The following FGD6 variants were observed in gnomAD, a reference collection of about 807,000 sequenced individuals.
FGD6 encodes FYVE, RhoGEF and PH domain containing 6.
In FGD6, 90 loss-of-function variants were observed where a neutral mutation model predicts 149.4. The ratio of observed to expected loss-of-function variants is 0.60; its 90% CI spans 0.51 to 0.72. The LOEUF (loss-of-function observed/expected upper bound fraction) is 0.72. FGD6 is among the 30% of genes least tolerant of loss of function. The pLI is 0.00. For missense variants in FGD6, 1,437 were observed against 1,684.8 expected, an observed-to-expected ratio of 0.85 and a Z score of 2.57; for synonymous variants, 527 against 584.0, an observed-to-expected ratio of 0.90 and a Z score of 1.41.
At chr12:95,121,144 T>C (rs1879172070) in intron 8 of FGD6, among the ~76,000 whole-genome samples, 1 of 152,052 alleles carries the variant, frequency 6.6e-6, no homozygotes, top group Admixed American at 6.6e-5. Context: ...AAAGTGTCAA[T>C]ATTTTCATTT....
At chr12:95,133,407 A>T (rs965629253) in intron 8 of FGD6, among the ~76,000 whole-genome samples, 7 of 152,168 alleles carry the variant, frequency 4.6e-5, no homozygotes, top group African/African-American at 1.7e-4. Flanking sequence ...TGGGGCTAAA[A>T]GGTAGGTCTT....
intron 14 of FGD6, among the ~76,000 whole-genome samples, chr12:95,104,196 G>A (rs1292615696): frequency 2.6e-5 from 4 of 152,068 alleles, no homozygotes; most frequent in East Asian, 1.9e-4. Context: ...AAAACTGCAC[G>A]GTATTGGGAA....
At chr12:95,216,669 C>CAAAAAA (rs143881424) in intron 1 of FGD6, among the ~76,000 whole-genome samples, 37 of 88,680 alleles carry the variant, frequency 4.2e-4, no homozygotes, top group Admixed American at 5.2e-4. Context: ...TGCAGACAAG[C>CAAAAAA]AAAAAAAAAA....
chr12:95,137,711 T>C (rs758650116), intron 6 of FGD6, 33 bp from the exon 7 acceptor site: 1 of 1,477,662 alleles, frequency 6.8e-7, no homozygotes, highest in Non-Finnish European at 9.1e-7. Flanking sequence ...CAAAAAAATA[T>C]AAAGAGAGAT....
Position 95,153,946 on chromosome 12 carries a change from TGAGTGAGAGA to T in FGD6, c.2587-963_2587-954del, listed in dbSNP as rs1305338104. 1.0e-4 allele frequency among the ~76,000 whole-genome samples: 14 copies of T among 137,610 alleles called. No homozygotes were observed. In the East Asian group the frequency reaches 1.5e-3, roughly 14 times the overall value. The allele number at this position is 137,610 out of a possible 152,430, so 90.3% of individuals were successfully genotyped here. On this transcript the variant is annotated intron_variant, in intron 3 of 20. Coordinates refer to ENST00000343958, the MANE Select transcript of FGD6 (RefSeq NM_018351.4). The stretch of plus-strand genomic sequence containing the variant: ...GTGTGTGTGTGTGTGTGTGTGTGTG[TGAGTGAGAGA>T]GAGAAGAGACAGAGAGAGAGAGAGA...
At chr12:95,128,732 G>GTTGT (rs1879422944) in intron 8 of FGD6, among the ~76,000 whole-genome samples, 1 of 152,218 alleles carries the variant, frequency 6.6e-6, no homozygotes, top group Non-Finnish European at 1.5e-5. Context: ...CCCCATCAGG[G>GTTGT]CAGGGGCCAC....
chr12:95,081,923 C>T (rs528491890), intron 20 of FGD6, among the ~76,000 whole-genome samples: 60 of 152,096 alleles, frequency 3.9e-4, no homozygotes, highest in African/African-American at 1.3e-3. Flanking sequence ...CGGCCTGCCT[C>T]GGCCTCCCAA....
intron 8 of FGD6, among the ~76,000 whole-genome samples, chr12:95,116,409 A>G (rs1392877115): frequency 6.6e-6 from 1 of 152,210 alleles, no homozygotes; most frequent in East Asian, 1.9e-4. Flanking sequence ...GCGACTTCCT[A>G]GTTTGTCTTA....
Position 95,209,520 on chromosome 12 carries a change from T to C in FGD6, c.1764A>G (p.Val588=). ...CTGTTGAAGGCTCACTGTTTGACGA[T>C]ACGGTGACAGACTTTAAGAATTCTG... ...GNPEFLKSVT[V]SSNSEPSTAL... Residue 588 remains valine, a synonymous_variant, in exon 2 of 21, where the codon GTA becomes GTG. Transcript: ENST00000343958. 1 of 1,613,974 alleles carries C rather than the reference T, an allele frequency of 6.2e-7. No individual in the cohort carries two copies. Among genetic ancestry groups the C allele is most frequent in the Non-Finnish European group, 8.5e-7 (1 of 1,179,976 alleles).
At chr12:95,091,365 A>G (rs11614529) in intron 17 of FGD6, among the ~76,000 whole-genome samples, 9 of 152,258 alleles carry the variant, frequency 5.9e-5, no homozygotes, top group Non-Finnish European at 1.3e-4. Flanking sequence ...ATTACTTTAC[A>G]TATAGATAAA....
Position 95,217,256 on chromosome 12 carries a change from C to G in FGD6, c.-16G>C. 1 of 1,607,780 alleles carries G rather than the reference C, an allele frequency of 6.2e-7. No homozygotes were observed. Among genetic ancestry groups the G allele is most frequent in the Non-Finnish European group, 8.5e-7 (1 of 1,175,866 alleles). On this transcript the variant is annotated 5_prime_UTR_variant, in exon 1 of 21. Transcript: ENST00000343958. ...CAGAAGTCATGATTCCCCGGTGCAGCTCGCTTCCCCGCTCGGCCCCTCAAT... is the reference window on the plus strand; with the variant it reads ...CAGAAGTCATGATTCCCCGGTGCAGGTCGCTTCCCCGCTCGGCCCCTCAAT...
chr12:95,153,912 CGTGTGT>C (rs754945627), intron 3 of FGD6, among the ~76,000 whole-genome samples: 21 of 141,414 alleles, frequency 1.5e-4, no homozygotes, highest in South Asian at 2.4e-4. Flanking sequence ...AAATGAAATT[CGTGTGT>C]GTGTGTGTGT....
At chr12:95,129,878 C>T (rs7959849) in intron 8 of FGD6, among the ~76,000 whole-genome samples, 101,925 of 151,862 alleles carry the variant, frequency 0.67, 34,420 homozygotes, top group Middle Eastern at 0.71. Flanking sequence ...TTCACCATGT[C>T]GGCCAGGCTG....
rs755740914 is a variant in FGD6, at chr12:95,210,184, TTC to T, written c.1098_1099del (p.Asn367CysfsTer4). 1.2e-6 allele frequency: 2 copies of T among 1,614,038 alleles called. No homozygotes were observed. The highest frequency in any genetic ancestry group is 1.7e-6 in the Non-Finnish European group (2 of 1,180,022). On this transcript the variant is annotated frameshift_variant, in exon 2 of 21. Transcript: ENST00000343958. LOFTEE classifies it high-confidence loss of function. ...CACCTGTTCCTGCTTACACAAAACA[TTC>T]TGATGCAGAACACTGATTTTATTGA...
intron 5 of FGD6, among the ~76,000 whole-genome samples, chr12:95,146,506 C>G (rs1410097563): frequency 3.3e-5 from 5 of 152,060 alleles, no homozygotes; most frequent in African/African-American, 1.2e-4. Flanking sequence ...ACTGGAAAAG[C>G]TGGGTAAATA....
rs372364589 is a variant in FGD6 at position 95,177,364 on chromosome 12, T to C, written c.2442-4620A>G. ...CTCTGTTGTTGACAAATTCCAGCTATCTTTTTCTTCTTTTGCCTGTGGTTT... is the reference window on the plus strand; with the variant it reads ...CTCTGTTGTTGACAAATTCCAGCTACCTTTTTCTTCTTTTGCCTGTGGTTT... On this transcript the variant is annotated intron_variant, in intron 2 of 20. Coordinates refer to ENST00000343958, the MANE Select transcript of FGD6 (RefSeq NM_018351.4). Among the ~76,000 whole-genome samples, 107 of 152,328 alleles carry C rather than the reference T, an allele frequency of 7.0e-4. 1 individual carries two copies. In the South Asian group the frequency reaches 0.022, roughly 31 times the overall value.
In FGD6 at chr12:95,194,152, T is replaced by C. The variant is rs193029535; in HGVS notation, c.2441+14691A>G. Among the ~76,000 whole-genome samples, 86 of 152,150 alleles carry C rather than the reference T, an allele frequency of 5.7e-4. 1 individual carries two copies. Among genetic ancestry groups the C allele is most frequent in the African/African-American group, 1.9e-3 (80 of 41,542 alleles). On this transcript the variant is annotated intron_variant, in intron 2 of 20. Transcript: ENST00000343958. Reference sequence around the variant, plus strand: ...GTTGCCCAGGTTGGTTTTGAACTCCTGGGCTCAAATGATGTTCCTTCCTTG... The same window carrying C: ...GTTGCCCAGGTTGGTTTTGAACTCCCGGGCTCAAATGATGTTCCTTCCTTG...
rs1565915494 is a variant in FGD6, at chr12:95,172,751, T to C, written c.2442-7A>G. The stretch of plus-strand genomic sequence containing the variant: ...CTCCTGGGATGCTCCTGAACTGCAT[T>C]CAACAGAAAGCAGGTATTAGTCACC... On this transcript the variant is annotated splice_region_variant and splice_polypyrimidine_tract_variant and intron_variant, in intron 2 of 20. Transcript: ENST00000343958. 1 of 1,575,138 alleles carries C rather than the reference T, an allele frequency of 6.3e-7. No homozygotes were observed. The highest frequency in any genetic ancestry group is 1.2e-5 in the South Asian group (1 of 83,944).
intron 14 of FGD6, among the ~76,000 whole-genome samples, chr12:95,102,453 A>AAAC (rs1458522176): frequency 2.0e-5 from 3 of 148,146 alleles, no homozygotes; most frequent in Admixed American, 6.7e-5. Flanking sequence ...CAAAAAAAAA[A>AAAC]AAAAAAAAAA....
Sources: gnomAD v4.1 joint callset for allele counts (sites outside exome capture counted in the v4.1 genomes callset) on GRCh38, gnomAD v4.1.1 for gene constraint, MANE v1.5 for transcripts, NCBI Gene and HGNC (gene_info 2026-07-23, HGNC 2026-07-21) for gene names.